The following CTDP1 variants were observed in gnomAD, a reference collection of about 807,000 sequenced individuals.
CTDP1 encodes RNA polymerase II subunit A C-terminal domain phosphatase.
CTDP1 carries 47 observed loss-of-function variants against 91.8 expected under a neutral mutation model. The observed-to-expected ratio is 0.51, with a 90% confidence interval of 0.41 to 0.65. The LOEUF is 0.65. Ranked by LOEUF, CTDP1 falls within the 30% of genes least tolerant of loss-of-function variation. The pLI is 0.00. For missense variants in CTDP1, 1,272 were observed against 1,373.7 expected (o/e 0.93, Z 1.17); for synonymous variants, 656 against 598.5 (o/e 1.10, Z -1.40).
Position 79,680,076 on chromosome 18 carries a change from G to A in CTDP1, c.129G>A (p.Val43=), listed in dbSNP as rs2085325154. 7.9e-7 allele frequency: 1 copy of A among 1,272,292 alleles called. No individual in the cohort carries two copies. The allele number at this position is 1,272,292 out of a possible 1,614,324, so 78.8% of individuals were successfully genotyped here. ...GGAGGGTGGCGGCGGGCGCGGCCGTGCGCATCGGCTCGGTGCTGGCCGTGT... is the reference window on the plus strand; with the variant it reads ...GGAGGGTGGCGGCGGGCGCGGCCGTACGCATCGGCTCGGTGCTGGCCGTGT... ...LEWRVAAGAA[V]RIGSVLAVFE... The change falls in exon 1 of 13, where the codon GTG becomes GTA. Residue 43 remains valine (V), a synonymous_variant. Transcript: ENST00000613122.
At chr18:79,696,128 C>A in intron 3 of CTDP1, 58 bp downstream of exon 3, 1 of 1,488,260 alleles carries the variant, frequency 6.7e-7, no homozygotes. Context: ...AGGAGGGCGG[C>A]TGCAGGAGGA....
At chr18:79,739,125 C>T (rs1312420526) in intron 12 of CTDP1, among the ~76,000 whole-genome samples, 1 of 152,198 alleles carries the variant, frequency 6.6e-6, no homozygotes, top group African/African-American at 2.4e-5. Flanking sequence ...GTCTGTCTGC[C>T]GTGGCCATGT....
chr18:79,724,442 G>A (rs745464108), intron 10 of CTDP1, among the ~76,000 whole-genome samples: 41 of 152,160 alleles, frequency 2.7e-4, no homozygotes, highest in Non-Finnish European at 5.1e-4. Context: ...TTTCAGCAGC[G>A]GTGAGTGACC....
chr18:79,715,551 C>T, intron 8 of CTDP1, 23 bp downstream of exon 8: 1 of 1,537,846 alleles, frequency 6.5e-7, no homozygotes, highest in Non-Finnish European at 8.7e-7. Flanking sequence ...TCCCTGTGCC[C>T]TGGGCATGGT....
intron 1 of CTDP1, among the ~76,000 whole-genome samples, chr18:79,691,031 G>A (rs2085609955): frequency 6.6e-6 from 1 of 152,196 alleles, no homozygotes; most frequent in Non-Finnish European, 1.5e-5. Flanking sequence ...GGGACCTTGC[G>A]TGGTTGCCAT....
At chr18:79,702,505 C>T (rs1398519812) in intron 4 of CTDP1, among the ~76,000 whole-genome samples, 1 of 152,176 alleles carries the variant, frequency 6.6e-6, no homozygotes, top group Non-Finnish European at 1.5e-5. Flanking sequence ...TCCCGAGTAG[C>T]TGGGACTACA....
chr18:79,696,762 C>T (rs556923967), intron 3 of CTDP1, among the ~76,000 whole-genome samples: 2 of 152,242 alleles, frequency 1.3e-5, no homozygotes, highest in East Asian at 1.9e-4. Flanking sequence ...TGCTACGCCT[C>T]GTTTATGTAT....
chr18:79,693,704 C>T (rs1047285859), intron 1 of CTDP1, among the ~76,000 whole-genome samples: 3 of 152,168 alleles, frequency 2.0e-5, no homozygotes, highest in Non-Finnish European at 4.4e-5. Flanking sequence ...GAGCCCCGCA[C>T]CGTGTGTCCT....
rs772555579 is a variant in CTDP1, at chr18:79,704,854, G to A, written c.709G>A (p.Ala237Thr). The change falls in exon 5 of 13, where the codon GCC becomes ACC. Residue 237 changes from alanine to threonine, a missense_variant. By Grantham distance (58) the Ala-to-Thr change is moderately conservative. Coordinates refer to ENST00000613122, the MANE Select transcript of CTDP1 (RefSeq NM_004715.5). ...PHCKDFLEKI[A>T]KLYELHVFTF... ...CTGCAAGGACTTCCTGGAGAAGATC[G>A]CCAAGCTGTACGAGCTGCACGTCTT... 32 of 1,613,762 alleles carry A rather than the reference G, an allele frequency of 2.0e-5. No individual in the cohort carries two copies. Among genetic ancestry groups the A allele is most frequent in the East Asian group, 2.2e-5 (1 of 44,894 alleles).
chr18:79,695,861 A>G (rs1599212886), intron 2 of CTDP1, 116 bp from the exon 3 acceptor site: 1 of 835,256 alleles, frequency 1.2e-6, no homozygotes, highest in South Asian at 1.4e-5. Context: ...AGTCTGTGCT[A>G]AGATAGCAGC....
chr18:79,688,395 G>A (rs1599194569), intron 1 of CTDP1, among the ~76,000 whole-genome samples: 1 of 152,272 alleles, frequency 6.6e-6, no homozygotes, highest in African/African-American at 2.4e-5. Context: ...CTCCTGAGTA[G>A]CTGGGATTAC....
At chr18:79,746,903 T>C (rs1415087551) in intron 12 of CTDP1, among the ~76,000 whole-genome samples, 1 of 152,200 alleles carries the variant, frequency 6.6e-6, no homozygotes, top group Non-Finnish European at 1.5e-5. Context: ...GTGCTGGACC[T>C]ACAGGTGTGA....
rs770886722 is a variant in CTDP1, at chr18:79,714,860, C to T, written c.1400C>T (p.Thr467Met). The T allele has an allele frequency of 2.3e-5, 37 of 1,587,068 alleles. No homozygotes were observed. Among genetic ancestry groups the T allele is most frequent in the Non-Finnish European group, 3.1e-5 (36 of 1,167,800 alleles). The change falls in exon 8 of 13, where the codon ACG becomes ATG. Residue 467 changes from threonine (T) to methionine (M), a missense_variant. Physicochemically the swap from Thr to Met is moderately conservative, Grantham distance 81 (BLOSUM62 -1). Coordinates refer to ENST00000613122, the MANE Select transcript of CTDP1 (RefSeq NM_004715.5). ...DSESSSESEG[T>M]KSSSSASDGE... Reference sequence around the variant, plus strand: ...GAGAGCAGCAGTGAGTCCGAGGGCACGAAGTCCTCCTCCTCCGCCTCTGAT... The same window carrying T: ...GAGAGCAGCAGTGAGTCCGAGGGCATGAAGTCCTCCTCCTCCGCCTCTGAT...
intron 1 of CTDP1, among the ~76,000 whole-genome samples, chr18:79,694,220 G>A (rs1271077978): frequency 3.4e-5 from 5 of 147,226 alleles, no homozygotes; most frequent in African/African-American, 7.7e-5. Context: ...TGCAGGGCAG[G>A]GTGGTCGGAG....
At chr18:79,681,591 C>G (rs984560131) in intron 1 of CTDP1, 2 of 600,584 alleles carry the variant, frequency 3.3e-6, no homozygotes, top group Non-Finnish European at 4.2e-6. Context: ...AAAACCAACC[C>G]AGTGCATCAG....
chr18:79,699,783 C>T (rs141985491), intron 4 of CTDP1, among the ~76,000 whole-genome samples: 2 of 152,260 alleles, frequency 1.3e-5, no homozygotes, highest in African/African-American at 4.8e-5. Context: ...AGGCTCGGAG[C>T]AACCTGGCGA....
At chr18:79,721,272 T>A (rs1294403181) in intron 10 of CTDP1, among the ~76,000 whole-genome samples, 1 of 152,178 alleles carries the variant, frequency 6.6e-6, no homozygotes, top group Non-Finnish European at 1.5e-5. Context: ...TTGACTTAAT[T>A]AATTCCAACT....
At chr18:79,688,952 TGC>T (rs2085565109) in intron 1 of CTDP1, among the ~76,000 whole-genome samples, 1 of 152,268 alleles carries the variant, frequency 6.6e-6, no homozygotes, top group Non-Finnish European at 1.5e-5. Context: ...TTGCTGAGTT[TGC>T]TTATCTTTCC....
chr18:79,679,801 G>T (rs1328386991), upstream of CTDP1: 2 of 737,276 alleles, frequency 2.7e-6, no homozygotes, highest in Non-Finnish European at 4.1e-6. Context: ...GCGCCCTCCA[G>T]GAAGTCGGCG....
Sources: gnomAD v4.1 joint callset for allele counts (sites outside exome capture counted in the v4.1 genomes callset) on GRCh38, gnomAD v4.1.1 for gene constraint, MANE v1.5 for transcripts, NCBI Gene and HGNC (gene_info 2026-07-23, HGNC 2026-07-21) for gene names.